ENOX2: variants seen among roughly 807,000 people sequenced by gnomAD.
ENOX2 encodes the protein APK1 antigen.
Under a neutral mutation model 45.0 loss-of-function variants are expected in ENOX2, and 36 were observed. The ratio of observed to expected loss-of-function variants is 0.80; its 90% CI spans 0.61 to 1.06. The LOEUF (loss-of-function observed/expected upper bound fraction) is 1.06, where lower values mean the gene tolerates loss of function less well. Ranked by LOEUF, ENOX2 falls within the 50% of genes least tolerant of loss-of-function variation. The pLI, the probability that ENOX2 is intolerant of heterozygous loss-of-function variation, is 0.00. For missense variants in ENOX2, 423 were observed against 462.5 expected (o/e 0.91, Z 0.78); for synonymous variants, 174 against 152.3 (o/e 1.14, Z -1.05).
At chrX:130,879,995 T>C (rs1047234099) in intron 2 of ENOX2, among the ~76,000 whole-genome samples, 1 of 111,878 alleles carries the variant, frequency 8.9e-6, no homozygotes, top group Non-Finnish European at 1.9e-5. Flanking sequence ...AGAACCTATA[T>C]GCAGAGTGCT....
chrX:130,825,075 C>T (rs979741689), intron 2 of ENOX2, among the ~76,000 whole-genome samples: 3 of 111,001 alleles, frequency 2.7e-5, no homozygotes, highest in Non-Finnish European at 3.8e-5. Context: ...TATAGGAATG[C>T]TTTTCGTAAT....
At chrX:130,651,635 G>A (rs1052835951) in intron 10 of ENOX2, among the ~76,000 whole-genome samples, 2 of 111,594 alleles carry the variant, frequency 1.8e-5, no homozygotes, top group Admixed American at 9.5e-5. Context: ...ACTCATGTTG[G>A]CCCTTGCTGA....
In ENOX2 at chrX:130,742,391, G is replaced by A. The variant is rs933980383; in HGVS notation, c.-38-39137C>T. On this transcript the variant is annotated intron_variant, in intron 3 of 14. Transcript: ENST00000394363. ...AACTTAGCTGGATTCCTAACTGGTT[G>A]AAGAATTGTACTCAAAGAGTGGTGA... 3.7e-5 allele frequency among the ~76,000 whole-genome samples: 4 copies of A among 107,903 alleles called. No individual in the cohort carries two copies. In the Admixed American group the frequency reaches 4.0e-4, roughly 11 times the overall value. 93.7% of individuals were successfully genotyped at this position (107,903 alleles called of 115,157 possible). A position where few individuals can be genotyped will look rare whatever the true frequency, so the allele number is the denominator to read the frequency against.
At chrX:130,630,193 C>T (rs2035657704) in intron 13 of ENOX2, among the ~76,000 whole-genome samples, 1 of 110,972 alleles carries the variant, frequency 9.0e-6, no homozygotes, top group Non-Finnish European at 1.9e-5. Flanking sequence ...CTCATCAAAG[C>T]CCACTAGTGT....
At chrX:130,689,103 A>T in intron 4 of ENOX2, 85 bp from the exon 5 acceptor site, 3 of 855,397 alleles carry the variant, frequency 3.5e-6, no homozygotes, top group Non-Finnish European at 5.0e-6. Flanking sequence ...TTCAAATCAA[A>T]GGCCTTTCTA....
At chrX:130,853,301 A>G (rs1242391036) in intron 2 of ENOX2, among the ~76,000 whole-genome samples, 3 of 108,168 alleles carry the variant, frequency 2.8e-5, no homozygotes, top group African/African-American at 1.0e-4. Flanking sequence ...CGTCTCTACT[A>G]AAAATACAAA....
intron 3 of ENOX2, among the ~76,000 whole-genome samples, chrX:130,742,736 A>G (rs1031517976): frequency 8.9e-6 from 1 of 112,061 alleles, no homozygotes; most frequent in African/African-American, 3.2e-5. Flanking sequence ...AAAGCTACAC[A>G]GCTAGTAAGT....
At chrX:130,893,514 G>GAT (rs1232296078) in intron 2 of ENOX2, among the ~76,000 whole-genome samples, 3 of 112,409 alleles carry the variant, frequency 2.7e-5, no homozygotes, top group Admixed American at 9.4e-5. Context: ...CTGTAAGACA[G>GAT]AAGTACAAAG....
intron 2 of ENOX2, among the ~76,000 whole-genome samples, chrX:130,804,587 T>C (rs1364899556): frequency 8.9e-6 from 1 of 111,865 alleles, no homozygotes; most frequent in East Asian, 2.8e-4. Flanking sequence ...GGTTTTTCTT[T>C]AAAACTTTCT....
chrX:130,755,129 A>G (rs1022049985), intron 3 of ENOX2, among the ~76,000 whole-genome samples: 1 of 109,846 alleles, frequency 9.1e-6, no homozygotes, highest in African/African-American at 3.3e-5. Context: ...ATTTTAGTCT[A>G]ACAATCTAGT....
intron 2 of ENOX2, among the ~76,000 whole-genome samples, chrX:130,838,624 T>C (rs1391780341): frequency 1.8e-5 from 2 of 111,661 alleles, no homozygotes; most frequent in Non-Finnish European, 3.8e-5. Flanking sequence ...GCCATCTTTG[T>C]TTCATTCTAG....
At chrX:130,791,340 C>T (rs759048577) in intron 2 of ENOX2, among the ~76,000 whole-genome samples, 1 of 110,941 alleles carries the variant, frequency 9.0e-6, no homozygotes, top group Non-Finnish European at 1.9e-5. Context: ...TCCCCCAAGA[C>T]GTGGCGCAGT....
At chrX:130,795,518 CTCTT>C (rs776920435) in intron 2 of ENOX2, among the ~76,000 whole-genome samples, 2 of 112,326 alleles carry the variant, frequency 1.8e-5, no homozygotes, top group Non-Finnish European at 3.8e-5. Context: ...GATAGTCTCT[CTCTT>C]TATTTGTCCA....
chrX:130,666,549 TA>T (rs1318944809), intron 8 of ENOX2, among the ~76,000 whole-genome samples: 1 of 111,492 alleles, frequency 9.0e-6, no homozygotes, highest in African/African-American at 3.3e-5. Context: ...CCAGAGGTAT[TA>T]TTTTTTTTTT....
chrX:130,892,830 A>T (rs1214524675), intron 2 of ENOX2, among the ~76,000 whole-genome samples: 1 of 112,703 alleles, frequency 8.9e-6, no homozygotes, highest in Non-Finnish European at 1.9e-5. Context: ...TGCATAAAAA[A>T]ATTTTTTAAA....
At chrX:130,735,810 A>G (rs1223093649) in intron 3 of ENOX2, among the ~76,000 whole-genome samples, 1 of 111,820 alleles carries the variant, frequency 8.9e-6, no homozygotes, top group Non-Finnish European at 1.9e-5. Context: ...GATGTAATCT[A>G]TCTTTACTGA....
intron 3 of ENOX2, among the ~76,000 whole-genome samples, chrX:130,764,299 A>G (rs771693071): frequency 6.3e-5 from 7 of 110,928 alleles, no homozygotes; most frequent in Non-Finnish European, 1.1e-4. Flanking sequence ...TTTGTCTTAA[A>G]TTTTAAGATG....
At chrX:130,638,081 T>C (rs2035980013) in intron 10 of ENOX2, among the ~76,000 whole-genome samples, 1 of 107,264 alleles carries the variant, frequency 9.3e-6, no homozygotes, top group Admixed American at 9.9e-5. Context: ...TTTTTTTTTC[T>C]TTTTTTTGAC....
intron 2 of ENOX2, among the ~76,000 whole-genome samples, chrX:130,842,646 C>T (rs1361755588): frequency 8.9e-6 from 1 of 111,900 alleles, no homozygotes; most frequent in Non-Finnish European, 1.9e-5. Context: ...TTATCTTATT[C>T]GTTCTCTCTG....
Sources: allele counts gnomAD v4.1 joint callset (sites outside exome capture counted in the v4.1 genomes callset), GRCh38; gene constraint gnomAD v4.1.1; transcripts MANE v1.5; gene names NCBI Gene and HGNC (gene_info 2026-07-23, HGNC 2026-07-21).